The following KCNK13 variants were observed in gnomAD, a reference collection of about 807,000 sequenced individuals.
The protein encoded by KCNK13 is potassium channel subfamily K member 13.
A neutral mutation model predicts 23.4 loss-of-function variants in KCNK13; 12 were observed. That is an observed-to-expected ratio of 0.51 (90% confidence interval 0.33 to 0.83). The LOEUF (loss-of-function observed/expected upper bound fraction) is 0.83. Among genes scored for constraint, KCNK13 ranks in the 40% least tolerant of loss-of-function variants. The pLI, the probability that KCNK13 is intolerant of heterozygous loss-of-function variation, is 0.02. For synonymous variants in KCNK13, 231 were observed against 229.5 expected (o/e 1.01, Z -0.06); for missense variants, 463 against 556.3 (o/e 0.83, Z 1.69).
chr14:90,133,547 T>A (rs1188430727), intron 1 of KCNK13, among the ~76,000 whole-genome samples: 1 of 147,890 alleles, frequency 6.8e-6, no homozygotes, highest in African/African-American at 2.5e-5. Context: ...GTGAATTATA[T>A]CTCAATAAAG....
At chr14:90,165,370 A>G (rs539186065) in intron 1 of KCNK13, among the ~76,000 whole-genome samples, 7 of 152,230 alleles carry the variant, frequency 4.6e-5, no homozygotes, top group South Asian at 2.1e-4. Context: ...ACCAACGGCC[A>G]CCTCTCCAGA....
intron 1 of KCNK13, among the ~76,000 whole-genome samples, chr14:90,179,415 A>G (rs1352091517): frequency 6.6e-6 from 1 of 151,968 alleles, no homozygotes; most frequent in Non-Finnish European, 1.5e-5. Context: ...CCTGCTCTTC[A>G]TGGGCTGAGT....
At chr14:90,136,884 TC>T (rs2140425789) in intron 1 of KCNK13, among the ~76,000 whole-genome samples, 1 of 152,154 alleles carries the variant, frequency 6.6e-6, no homozygotes, top group East Asian at 1.9e-4. Context: ...CCCACGAAGG[TC>T]TTTAAAGTCT....
At chr14:90,166,523 T>C (rs997998409) in intron 1 of KCNK13, among the ~76,000 whole-genome samples, 1 of 152,084 alleles carries the variant, frequency 6.6e-6, no homozygotes, top group Non-Finnish European at 1.5e-5. Context: ...CTGGCCAACA[T>C]GGAGAAACCC....
At chr14:90,144,403 C>T (rs1486847239) in intron 1 of KCNK13, among the ~76,000 whole-genome samples, 1 of 151,196 alleles carries the variant, frequency 6.6e-6, no homozygotes, top group Non-Finnish European at 1.5e-5. Flanking sequence ...CTTTAACAAA[C>T]TTAGTTATTA....
chr14:90,178,593 T>C (rs1890451028), intron 1 of KCNK13, among the ~76,000 whole-genome samples: 1 of 152,128 alleles, frequency 6.6e-6, no homozygotes, highest in Non-Finnish European at 1.5e-5. Context: ...CCGGGCCTGA[T>C]GTGATTATTA....
chr14:90,162,007 C>T (rs866284605), intron 1 of KCNK13, among the ~76,000 whole-genome samples: 12 of 152,024 alleles, frequency 7.9e-5, no homozygotes, highest in Non-Finnish European at 1.5e-4. Flanking sequence ...AACAAGACCC[C>T]GTCTCTACAA....
intron 1 of KCNK13, among the ~76,000 whole-genome samples, chr14:90,174,941 G>A (rs1056886268): frequency 9.9e-5 from 15 of 152,058 alleles, no homozygotes; most frequent in Non-Finnish European, 2.9e-5. Flanking sequence ...TGGCTAATGG[G>A]CATAACCTCC....
chr14:90,184,009 T>C lies in KCNK13; in HGVS notation c.335-102T>C. ...GAAAGACTAAGGCTGAGTGATTTTA[T>C]GAAACTCTCTTTAGGTCCTTTGCCA... On this transcript the variant is annotated intron_variant, in intron 1 of 1. Transcript: ENST00000282146. The surrounding 1 kb of genome is among the most constrained non-coding windows in gnomAD (Gnocchi z 5.6). 1 of 1,038,664 alleles carries C rather than the reference T, an allele frequency of 9.6e-7. No homozygotes were observed. The highest frequency in any genetic ancestry group is 2.4e-5 in the East Asian group (1 of 41,868). The allele number at this position is 1,038,664 out of a possible 1,614,324, so 64.3% of individuals were successfully genotyped here.
intron 1 of KCNK13, among the ~76,000 whole-genome samples, chr14:90,084,567 T>C (rs1481450546): frequency 6.6e-6 from 1 of 152,240 alleles, no homozygotes; most frequent in Non-Finnish European, 1.5e-5. Context: ...TACATGAATA[T>C]GTCACCTGTG....
At chr14:90,127,892 C>T (rs1165845948) in intron 1 of KCNK13, among the ~76,000 whole-genome samples, 1 of 150,612 alleles carries the variant, frequency 6.6e-6, no homozygotes, top group East Asian at 1.9e-4. Flanking sequence ...ATTCTGTGAC[C>T]ATTCTGAGTG....
At chr14:90,127,831 A>AG (rs1889820685) in intron 1 of KCNK13, among the ~76,000 whole-genome samples, 1 of 151,524 alleles carries the variant, frequency 6.6e-6, no homozygotes, top group African/African-American at 2.4e-5. Flanking sequence ...AAAAAAAAAA[A>AG]AAAAAAAGGC....
At position 90,066,138 on chromosome 14, in the gene KCNK13, A is replaced by AC. The variant is rs1410253187; in HGVS notation, c.334+3599_334+3600insC. ...ACCACCAGGCCCAGCTAATTTTTGT[A>AC]TTTTTTTTTTTTTTTTTAGTGGAGA... is the stretch of plus-strand genomic sequence containing the variant. On this transcript the variant is annotated intron_variant, in intron 1 of 1. Coordinates refer to ENST00000282146, the MANE Select transcript of KCNK13 (RefSeq NM_022054.4). Among the ~76,000 whole-genome samples, 100 of 135,908 alleles carry AC rather than the reference A, an allele frequency of 7.4e-4. 3 individuals are homozygous for AC. In the South Asian group the frequency reaches 0.023, roughly 31 times the overall value. 89.2% of individuals were successfully genotyped at this position (135,908 alleles called of 152,430 possible).
chr14:90,105,294 C>T (rs56004729), intron 1 of KCNK13, among the ~76,000 whole-genome samples: 34,693 of 151,972 alleles, frequency 0.23, 3,979 homozygotes, highest in Middle Eastern at 0.26. Context: ...TTTTATAAAA[C>T]TGGGTCCCCA....
chr14:90,094,686 C>T (rs1251569568), intron 1 of KCNK13, among the ~76,000 whole-genome samples: 4 of 133,186 alleles, frequency 3.0e-5, no homozygotes, highest in Non-Finnish European at 6.2e-5. Flanking sequence ...GCCTCACTGT[C>T]GCCCAGGCTG....
chr14:90,086,841 GT>G (rs1030340856), intron 1 of KCNK13, among the ~76,000 whole-genome samples: 2 of 152,092 alleles, frequency 1.3e-5, no homozygotes, highest in Non-Finnish European at 2.9e-5. Flanking sequence ...ATCTATAAAT[GT>G]AGATGGTAAA....
At chr14:90,065,035 A>G (rs774813015) in intron 1 of KCNK13, among the ~76,000 whole-genome samples, 1 of 152,248 alleles carries the variant, frequency 6.6e-6, no homozygotes, top group South Asian at 2.1e-4. Flanking sequence ...AGAAGAAAAA[A>G]ATCAAGTTAT....
rs552943936 is a variant in KCNK13 at position 90,178,412 on chromosome 14, C to G, written c.335-5699C>G. Among the ~76,000 whole-genome samples, 12 of 152,166 alleles carry G rather than the reference C, an allele frequency of 7.9e-5. No individual in the cohort carries two copies. The East Asian group carries it at 2.3e-3, about 29-fold the overall frequency. On this transcript the variant is annotated intron_variant, in intron 1 of 1. Transcript: ENST00000282146. ...GTTCAAGTGATTCTCCTGCCTCAGCCTCCGGAGTAGCTGGGATTACAGGCA... is the reference window on the plus strand; with the variant it reads ...GTTCAAGTGATTCTCCTGCCTCAGCGTCCGGAGTAGCTGGGATTACAGGCA...
At chr14:90,142,495 T>C (rs935004138) in intron 1 of KCNK13, among the ~76,000 whole-genome samples, 2 of 151,834 alleles carry the variant, frequency 1.3e-5, no homozygotes, top group African/African-American at 4.8e-5. Context: ...ATTTTTTTTA[T>C]TTTTAGTAGA....
Sources: allele counts gnomAD v4.1 joint callset (sites outside exome capture counted in the v4.1 genomes callset), GRCh38; gene constraint gnomAD v4.1.1; non-coding constraint Gnocchi (gnomAD v3.1); transcripts MANE v1.5; gene names NCBI Gene and HGNC (gene_info 2026-07-23, HGNC 2026-07-21).